Variants in ADAMTS14 observed in about 807,000 individuals in gnomAD.
The protein encoded by ADAMTS14 is ADAM metallopeptidase with thrombospondin type 1 motif 14, also known as A disintegrin and metalloproteinase with thrombospondin motifs 14.
A neutral mutation model predicts 128.6 loss-of-function variants in ADAMTS14; 100 were observed. That is an observed-to-expected ratio of 0.78 (90% CI 0.66 to 0.92). The LOEUF (loss-of-function observed/expected upper bound fraction) is 0.92. ADAMTS14 is among the 40% of genes least tolerant of loss of function. The probability of loss-of-function intolerance (pLI) is 0.00; values close to 1 mark genes in which losing one functional copy is unlikely to be tolerated. For missense variants in ADAMTS14, 1,562 were observed against 1,658.6 expected (o/e 0.94, Z 1.01); for synonymous variants, 665 against 653.8 (o/e 1.02, Z -0.26).
At chr10:70,673,685 G>C (rs951030887) in intron 1 of ADAMTS14, among the ~76,000 whole-genome samples, 13 of 152,190 alleles carry the variant, frequency 8.5e-5, no homozygotes, top group African/African-American at 2.9e-4. Flanking sequence ...CATCAGTGAC[G>C]TGAACTGGGG....
At position 70,761,288 on chromosome 10, in the gene ADAMTS14, A is replaced by C; in HGVS notation, c.*435A>C. 6.2e-6 allele frequency: 1 copy of C among 160,548 alleles called. No homozygotes were observed. Among genetic ancestry groups the C allele is most frequent in the Non-Finnish European group, 1.4e-5 (1 of 73,248 alleles). 9.9% of individuals were successfully genotyped at this position (160,548 alleles called of 1,614,324 possible). ...TTGGCCCCTCTCCCCAGAAAGGCAA[A>C]GCAGGGCCAGGGTAGGTGGGGGACT... On this transcript the variant is annotated 3_prime_UTR_variant, in exon 22 of 22. Coordinates refer to ENST00000373207, the MANE Select transcript of ADAMTS14 (RefSeq NM_080722.4).
chr10:70,740,130 G>A (rs1437658477), intron 11 of ADAMTS14, among the ~76,000 whole-genome samples: 1 of 152,142 alleles, frequency 6.6e-6, no homozygotes, highest in African/African-American at 2.4e-5. Flanking sequence ...TGTGCTCTCA[G>A]CACCATGCTC....
In ADAMTS14 at chr10:70,672,889, G is replaced by A. The variant is rs1316671468; in HGVS notation, c.82+5G>A. ...CCGCGGGCAGCCGGACCCCAGGTGC[G>A]TGCGGGTTGGGCGCGCGGGGGCCCG... On this transcript the variant is annotated splice_donor_5th_base_variant and intron_variant, in intron 1 of 21. Transcript: ENST00000373207. 3.4e-6 allele frequency: 5 copies of A among 1,478,304 alleles called. No individual in the cohort carries two copies. Among genetic ancestry groups the A allele is most frequent in the African/African-American group, 2.9e-5 (2 of 68,144 alleles). The allele number at this position is 1,478,304 out of a possible 1,614,324, so 91.6% of individuals were successfully genotyped here. A position where few individuals can be genotyped will look rare whatever the true frequency, so the allele number is the denominator to read the frequency against.
At chr10:70,717,550 G>C (rs1175278271) in intron 4 of ADAMTS14, among the ~76,000 whole-genome samples, 2 of 152,180 alleles carry the variant, frequency 1.3e-5, no homozygotes, top group Non-Finnish European at 2.9e-5. Context: ...GCTCCCCGTG[G>C]TGGCATCCAA....
At chr10:70,685,672 G>T (rs1470338273) in intron 2 of ADAMTS14, among the ~76,000 whole-genome samples, 1 of 152,218 alleles carries the variant, frequency 6.6e-6, no homozygotes, top group East Asian at 1.9e-4. Flanking sequence ...TCCTCTCGCA[G>T]TTCCAGGCAG....
chr10:70,751,404 G>A (rs1173394205), intron 16 of ADAMTS14, 74 bp from the exon 17 acceptor site: 45 of 1,451,680 alleles, frequency 3.1e-5, no homozygotes, highest in African/African-American at 6.9e-5. Context: ...CCTTCTCTTC[G>A]GCCCCTCCCC....
intron 15 of ADAMTS14, 87 bp from the exon 16 acceptor site, chr10:70,749,735 C>T: frequency 6.7e-7 from 1 of 1,484,300 alleles, no homozygotes; most frequent in East Asian, 2.4e-5. Context: ...AGAAGGCTCA[C>T]TGGGAAGGCC....
intron 4 of ADAMTS14, among the ~76,000 whole-genome samples, chr10:70,720,244 A>G (rs1841213039): frequency 6.6e-6 from 1 of 152,216 alleles, no homozygotes; most frequent in African/African-American, 2.4e-5. Flanking sequence ...CCTTTAAAAT[A>G]TAGGGCATGA....
At chr10:70,691,945 TTAAATGTCCCTTTTCGTGCCATTC>T (rs954738302) in intron 2 of ADAMTS14, among the ~76,000 whole-genome samples, 1 of 152,226 alleles carries the variant, frequency 6.6e-6, no homozygotes, top group African/African-American at 2.4e-5. Context: ...GGATGACCAC[TTAAATGTCCCTTTTCGTGCCATTC>T]TAAATGTCCC....
At chr10:70,677,233 T>C (rs1321759653) in intron 2 of ADAMTS14, among the ~76,000 whole-genome samples, 1 of 152,126 alleles carries the variant, frequency 6.6e-6, no homozygotes, top group African/African-American at 2.4e-5. Context: ...CTTCATGCTC[T>C]GGTTTTGGGG....
intron 15 of ADAMTS14, among the ~76,000 whole-genome samples, chr10:70,748,010 G>A (rs979381905): frequency 2.0e-5 from 3 of 152,158 alleles, no homozygotes; most frequent in Admixed American, 2.0e-4. Context: ...CTGGAATTGG[G>A]GACATGGGGT....
chr10:70,725,675 A>G (rs1841406287), intron 4 of ADAMTS14, among the ~76,000 whole-genome samples: 2 of 152,126 alleles, frequency 1.3e-5, no homozygotes, highest in Non-Finnish European at 1.5e-5. Context: ...CTAATGCCCT[A>G]TCTCCTAATA....
intron 4 of ADAMTS14, among the ~76,000 whole-genome samples, chr10:70,728,237 A>G (rs1841507711): frequency 6.6e-6 from 1 of 152,248 alleles, no homozygotes; most frequent in Admixed American, 6.5e-5. Flanking sequence ...TCCATGAAAC[A>G]AGCAACATAG....
Position 70,712,871 on chromosome 10 carries a change from G to A in ADAMTS14, c.870+4093G>A, listed in dbSNP as rs934412977. Reference sequence around the variant, plus strand: ...CTCTGCCCTCATTCCCGGAACTAGCGGAGTGGCAGCATCTCCCAGGCTACA... The same window carrying A: ...CTCTGCCCTCATTCCCGGAACTAGCAGAGTGGCAGCATCTCCCAGGCTACA... On this transcript the variant is annotated intron_variant, in intron 4 of 21. Transcript: ENST00000373207. Among the ~76,000 whole-genome samples the A allele has an allele frequency of 2.6e-5, 4 of 152,288 alleles. No individual in the cohort carries two copies. The South Asian group carries it at 8.3e-4, about 32-fold the overall frequency.
At chr10:70,696,528 G>C (rs1840337280) in intron 2 of ADAMTS14, among the ~76,000 whole-genome samples, 1 of 152,178 alleles carries the variant, frequency 6.6e-6, no homozygotes, top group Non-Finnish European at 1.5e-5. Context: ...GTAAGTGGAT[G>C]GTTGGGCTGA....
intron 15 of ADAMTS14, among the ~76,000 whole-genome samples, chr10:70,746,814 GTGAGCCTGGTT>G (rs1842193523): frequency 6.6e-6 from 1 of 152,222 alleles, no homozygotes; most frequent in South Asian, 2.1e-4. Flanking sequence ...TTCAAACCCT[GTGAGCCTGGTT>G]CAGAGCAGGG....
At chr10:70,760,324 G>A (rs778365220) in intron 21 of ADAMTS14, 36 bp from the exon 22 acceptor site, 7 of 1,506,850 alleles carry the variant, frequency 4.6e-6, no homozygotes, top group East Asian at 2.3e-5. Flanking sequence ...GCATCCCCAC[G>A]TTGCTTCCAT....
chr10:70,722,609 C>T (rs1055202345), intron 4 of ADAMTS14, among the ~76,000 whole-genome samples: 5 of 152,182 alleles, frequency 3.3e-5, no homozygotes, highest in African/African-American at 7.2e-5. Context: ...AAGATGACCC[C>T]GGAGCATCTC....
At chr10:70,714,507 G>A (rs1840962789) in intron 4 of ADAMTS14, among the ~76,000 whole-genome samples, 2 of 152,178 alleles carry the variant, frequency 1.3e-5, no homozygotes, top group Non-Finnish European at 2.9e-5. Flanking sequence ...TGTTATGGTA[G>A]AAAAACTTTT....
Sources: allele counts gnomAD v4.1 joint callset (sites outside exome capture counted in the v4.1 genomes callset), GRCh38; gene constraint gnomAD v4.1.1; transcripts MANE v1.5; gene names NCBI Gene and HGNC (gene_info 2026-07-23, HGNC 2026-07-21).